PPP2R1A: variants seen among roughly 807,000 people sequenced by gnomAD.
PPP2R1A encodes the protein serine/threonine-protein phosphatase 2A 65 kDa regulatory subunit A alpha isoform.
Under a neutral mutation model 67.1 loss-of-function variants are expected in PPP2R1A, and 15 were observed. The ratio of observed to expected loss-of-function variants is 0.22; its 90% CI spans 0.15 to 0.34. PPP2R1A has a LOEUF of 0.34. PPP2R1A is among the 10% of genes least tolerant of loss of function. The probability of loss-of-function intolerance (pLI) is 1.00; values close to 1 mark genes in which losing one functional copy is unlikely to be tolerated. For missense variants in PPP2R1A, 369 were observed against 775.0 expected, an observed-to-expected ratio of 0.48 and a Z score of 6.22; for synonymous variants, 337 against 325.0, an observed-to-expected ratio of 1.04 and a Z score of -0.40.
chr19:52,202,185 G>A, intron 2 of PPP2R1A, 151 bp downstream of exon 2: 3 of 656,016 alleles, frequency 4.6e-6, no homozygotes, highest in Non-Finnish European at 7.9e-6. Context: ...TCAGAGAAGT[G>A]CAGTCTTGCT....
Position 52,225,727 on chromosome 19 carries a change from A to G in PPP2R1A, c.1672A>G (p.Ser558Gly). ...CCTTTCGCTTTCCAGCACCTTGCAG[A>G]GTGAAGTCAAGCCCATCCTAGAGAA... ...GPILDNSTLQ[S>G]EVKPILEKLT... The change falls in exon 14 of 15, where the codon AGT becomes GGT. Residue 558 changes from serine (S) to glycine (G), a missense_variant. This residue lies in a region of PPP2R1A where 276 missense variants were observed against 508.4 expected (regional missense o/e 0.54). Transcript: ENST00000322088. The G allele has an allele frequency of 6.2e-7, 1 of 1,614,060 alleles. No individual in the cohort carries two copies. Among genetic ancestry groups the G allele is most frequent in the Non-Finnish European group, 8.5e-7 (1 of 1,179,982 alleles).
chr19:52,221,987 C>G (rs1978961768), intron 12 of PPP2R1A, 112 bp from the exon 13 acceptor site: 1 of 1,143,500 alleles, frequency 8.7e-7, no homozygotes, highest in Admixed American at 2.5e-5. Context: ...ACCCGTATTG[C>G]TCAGCCTCTG....
intron 1 of PPP2R1A, among the ~76,000 whole-genome samples, chr19:52,195,257 A>G (rs939299998): frequency 6.6e-6 from 1 of 152,128 alleles, no homozygotes; most frequent in Non-Finnish European, 1.5e-5. Flanking sequence ...GCCTGCTGGG[A>G]CACAGAGAGT....
At chr19:52,191,930 A>C (rs561674909) in intron 1 of PPP2R1A, among the ~76,000 whole-genome samples, 11 of 152,302 alleles carry the variant, frequency 7.2e-5, no homozygotes, top group Non-Finnish European at 1.3e-4. Context: ...CGCTGTTCTA[A>C]GCACTGGTAT....
chr19:52,200,486 C>G (rs2089536733), intron 1 of PPP2R1A: 1 of 152,194 alleles, frequency 6.6e-6, no homozygotes. Flanking sequence ...TCTGGAGGAT[C>G]AAATGAGGTC....
At chr19:52,215,164 T>G (rs1030773721) in intron 6 of PPP2R1A, among the ~76,000 whole-genome samples, 1 of 152,178 alleles carries the variant, frequency 6.6e-6, no homozygotes, top group Admixed American at 6.5e-5. Context: ...CAGGTGATCC[T>G]CCCACTTCAG....
rs770036949 is a variant in PPP2R1A at position 52,219,786 on chromosome 19, T to C, written c.1224T>C (p.Ile408=). Residue 408 remains isoleucine, a synonymous_variant, in exon 10 of 15, where the codon ATT becomes ATC. Coordinates refer to ENST00000322088, the MANE Select transcript of PPP2R1A (RefSeq NM_014225.6). The surrounding 1 kb of genome is among the most constrained non-coding windows in gnomAD (Gnocchi z 4.0). ...RQLSQSLLPA[I]VELAEDAKWR... ...TGTCCCAGTCCCTGCTCCCTGCCAT[T>C]GTGGAGCTGGCTGAGGACGCCAAGT... 1 of 1,613,988 alleles carries C rather than the reference T, an allele frequency of 6.2e-7. No individual in the cohort carries two copies. Among genetic ancestry groups the C allele is most frequent in the South Asian group, 1.1e-5 (1 of 91,090 alleles).
chr19:52,190,241 GGA>G, intron 1 of PPP2R1A, 67 bp downstream of exon 1: 1 of 1,506,786 alleles, frequency 6.6e-7, no homozygotes, highest in Non-Finnish European at 9.0e-7. Context: ...CGGCCCTCGC[GGA>G]GAAGACTCAG....
Position 52,225,869 on chromosome 19 carries a change from C to T in PPP2R1A, c.1753+61C>T, listed in dbSNP as rs1979226761. On this transcript the variant is annotated intron_variant, in intron 14 of 14. Transcript: ENST00000322088. The stretch of plus-strand genomic sequence containing the variant: ...GTGGACTTTGAGGACAGGCACTGGG[C>T]CTGTGGGCAGCAGCTTCTGGGAGGG... 3.7e-6 allele frequency: 6 copies of T among 1,611,864 alleles called. No homozygotes were observed. The South Asian group carries it at 6.6e-5, about 18-fold the overall frequency.
chr19:52,212,680 T>TCC lies in PPP2R1A; in HGVS notation c.504-4_504-3dup. 6.2e-7 allele frequency: 1 copy of TCC among 1,612,642 alleles called. No individual in the cohort carries two copies. The highest frequency in any genetic ancestry group is 8.5e-7 in the Non-Finnish European group (1 of 1,180,004). On this transcript the variant is annotated splice_region_variant and splice_polypyrimidine_tract_variant and intron_variant, in intron 4 of 14. Coordinates refer to ENST00000322088, the MANE Select transcript of PPP2R1A (RefSeq NM_014225.6). This position sits in a 1 kb window ranked among gnomAD's most constrained non-coding sequence, Gnocchi z 4.1. The stretch of plus-strand genomic sequence containing the variant: ...CTGCCTCAGGATCCCCGTCCCCGAC[T>TCC]CCCAGGTACTTCCGGAACCTGTGCT...
At chr19:52,215,685 C>G in intron 6 of PPP2R1A, 94 bp from the exon 7 acceptor site, 1 of 1,027,886 alleles carries the variant, frequency 9.7e-7, no homozygotes, top group Non-Finnish European at 1.5e-6. Flanking sequence ...GCTCTGTCCC[C>G]TAATTCTGGT....
At position 52,208,853 on chromosome 19, in the gene PPP2R1A, T is replaced by C. The variant is rs569683611; in HGVS notation, c.271-2407T>C. Among the ~76,000 whole-genome samples, 6 of 152,330 alleles carry C rather than the reference T, an allele frequency of 3.9e-5. No homozygotes were observed. The East Asian group carries it at 1.2e-3, about 29-fold the overall frequency. ...ATCCCTTTGAGAATCTGTTAAATTC[T>C]GGACCCTCTTCTTATAAAAGTACAC... On this transcript the variant is annotated intron_variant, in intron 3 of 14. Transcript: ENST00000322088.
Position 52,213,078 on chromosome 19 carries a change from G to A in PPP2R1A, c.775G>A (p.Val259Ile), listed in dbSNP as rs2089688265. Reference protein sequence around the residue: ...RQAAEDKSWRVRYMVADKFTE... With the variant: ...RQAAEDKSWRIRYMVADKFTE... ...GGCCGCTGAAGACAAGTCCTGGCGC[G>A]TCCGCTACATGGTGGCTGACAAGTT... is the stretch of plus-strand genomic sequence containing the variant. The change falls in exon 6 of 15, where the codon GTC becomes ATC. Residue 259 changes from valine (V) to isoleucine (I), a missense_variant. Transcript: ENST00000322088. The surrounding 1 kb of genome is among the most constrained non-coding windows in gnomAD (Gnocchi z 4.2). 6.3e-7 allele frequency: 1 copy of A among 1,595,252 alleles called. No individual in the cohort carries two copies. The highest frequency in any genetic ancestry group is 8.5e-7 in the Non-Finnish European group (1 of 1,173,998).
intron 12 of PPP2R1A, chr19:52,221,891 T>G: frequency 2.0e-6 from 1 of 496,260 alleles, no homozygotes. Context: ...CCAGAATAAT[T>G]AAGGGAAGCC....
chr19:52,193,260 C>T (rs903875263), intron 1 of PPP2R1A, among the ~76,000 whole-genome samples: 16 of 152,226 alleles, frequency 1.1e-4, no homozygotes, highest in Admixed American at 7.2e-4. Context: ...GGGTGGGACA[C>T]ACGGTTGCTG....
At chr19:52,200,280 G>A (rs575081448) in intron 1 of PPP2R1A, 3 of 152,296 alleles carry the variant, frequency 2.0e-5, no homozygotes, top group South Asian at 2.1e-4. Flanking sequence ...ACAGTGCTGG[G>A]AGCTATTAAT....
intron 2 of PPP2R1A, 134 bp from the exon 3 acceptor site, chr19:52,205,829 G>T (rs899836102): frequency 6.8e-6 from 5 of 731,178 alleles, no homozygotes; most frequent in Non-Finnish European, 1.2e-5. Flanking sequence ...GGTGGAGAGT[G>T]GGGGAGCAAG....
intron 2 of PPP2R1A, among the ~76,000 whole-genome samples, chr19:52,203,446 C>G (rs10401416): frequency 0.014 from 2,172 of 152,286 alleles, 52 homozygotes; most frequent in African/African-American, 0.05. Flanking sequence ...ATAAGCAGCT[C>G]TGCCACTGAC....
At chr19:52,201,880 G>C in intron 1 of PPP2R1A, 64 bp from the exon 2 acceptor site, 1 of 1,493,530 alleles carries the variant, frequency 6.7e-7, no homozygotes, top group Non-Finnish European at 9.3e-7. Context: ...GTTGAGAGCT[G>C]TCAGAACTCA....
Sources: allele counts gnomAD v4.1 joint callset (sites outside exome capture counted in the v4.1 genomes callset), GRCh38; gene constraint gnomAD v4.1.1; regional missense constraint gnomAD v4.1.1; non-coding constraint Gnocchi (gnomAD v3.1); transcripts MANE v1.5; gene names NCBI Gene and HGNC (gene_info 2026-07-23, HGNC 2026-07-21).